Variants in PRRC2C observed in about 807,000 individuals in gnomAD.
The protein encoded by PRRC2C is protein PRRC2C.
PRRC2C carries 72 observed loss-of-function variants against 317.2 expected under a neutral mutation model. The ratio of observed to expected loss-of-function variants is 0.23; its 90% confidence interval spans 0.19 to 0.28. The LOEUF is 0.28. Among genes scored for constraint, PRRC2C ranks in the 10% least tolerant of loss-of-function variants. The probability of loss-of-function intolerance (pLI) is 1.00; values close to 1 mark genes in which losing one functional copy is unlikely to be tolerated. For synonymous variants in PRRC2C, 1,296 were observed against 1,205.9 expected, an observed-to-expected ratio of 1.07 and a Z score of -1.55; for missense variants, 3,074 against 3,459.7, an observed-to-expected ratio of 0.89 and a Z score of 2.80.
chr1:171,586,543 G>GTATTTTATTT (rs560341256), intron 30 of PRRC2C, among the ~76,000 whole-genome samples: 11,698 of 132,210 alleles, frequency 0.088, 814 homozygotes, highest in African/African-American at 0.14. Context: ...TGTGTTCTAT[G>GTATTTTATTT]TATTTTATTT....
rs1361900793 is a variant in PRRC2C, at chr1:171,566,237, C to T, written c.6122C>T (p.Ala2041Val). 1 of 1,607,678 alleles carries T rather than the reference C, an allele frequency of 6.2e-7. No homozygotes were observed. Among genetic ancestry groups the T allele is most frequent in the Non-Finnish European group, 8.5e-7 (1 of 1,176,986 alleles). ...TTTAAAATATTCTTTTACTAGGGAG[C>T]GAAGAATGGTCAAGAAAGTGGACTC... The part of the protein sequence containing the change: ...SFGSAPSSEG[A>V]KNGQESGLEI... The change falls in exon 21 of 35, where the codon GCG becomes GTG. Residue 2041 changes from alanine (A) to valine (V), a missense_variant. Ala to Val is a moderately conservative substitution (Grantham distance 64, BLOSUM62 0). This residue lies in a region of PRRC2C where 640 missense variants were observed against 676.1 expected (regional missense o/e 0.95). Coordinates refer to ENST00000647382, the MANE Select transcript of PRRC2C (RefSeq NM_001387844.1).
rs141606555 is a variant in PRRC2C at position 171,542,133 on chromosome 1, G to A, written c.4667G>A (p.Arg1556Gln). 37 of 1,612,776 alleles carry A rather than the reference G, an allele frequency of 2.3e-5. No individual in the cohort carries two copies. The highest frequency in any genetic ancestry group is 6.7e-5 in the East Asian group (3 of 44,872). The stretch of plus-strand genomic sequence containing the variant: ...CAGAGACCAGTAGATCGTCAGAATC[G>A]ACGTGGCAACAATGGTCCACCCAAA... ...SSQRPVDRQNRRGNNGPPKSG... is the reference protein window; with the variant it reads ...SSQRPVDRQNQRGNNGPPKSG... Residue 1556 changes from arginine to glutamine, a missense_variant, in exon 16 of 35, where the codon CGA becomes CAA. Around this residue, in one of 11 missense-constraint regions of PRRC2C, gnomAD observed 178 missense variants for 163.0 expected, o/e 1.09. Transcript: ENST00000647382.
At chr1:171,493,167 A>ATGT (rs1667499520) in intron 1 of PRRC2C, among the ~76,000 whole-genome samples, 1 of 152,142 alleles carries the variant, frequency 6.6e-6, no homozygotes, top group South Asian at 2.1e-4. Context: ...ATACGGAGGG[A>ATGT]TGTTAACCAA....
At position 171,528,587 on chromosome 1, in the gene PRRC2C, G is replaced by A. The variant is rs137982317; in HGVS notation, c.1254+743G>A. On this transcript the variant is annotated intron_variant, in intron 11 of 34. Coordinates refer to ENST00000647382, the MANE Select transcript of PRRC2C (RefSeq NM_001387844.1). ...ATTACAGGCGTGAGCCACCGCGCCC[G>A]GCCAATGAAATTCTTTTAGTGAACT... Among the ~76,000 whole-genome samples the A allele has an allele frequency of 3.9e-3, 594 of 152,188 alleles. 3 individuals carry two copies. Among genetic ancestry groups the A allele is most frequent in the African/African-American group, 0.013 (537 of 41,530 alleles).
intron 17 of PRRC2C, among the ~76,000 whole-genome samples, chr1:171,546,696 C>G (rs948217771): frequency 1.3e-5 from 2 of 152,126 alleles, no homozygotes; most frequent in African/African-American, 4.8e-5. Context: ...GCATCCCAGA[C>G]GTCAAGCGAT....
At chr1:171,591,337 G>A in intron 34 of PRRC2C, 1 of 729,426 alleles carries the variant, frequency 1.4e-6, no homozygotes, top group Non-Finnish European at 1.9e-6. Context: ...ATATGAGAGG[G>A]CAGACCTTGA....
At chr1:171,508,464 A>T (rs934906716) in intron 1 of PRRC2C, among the ~76,000 whole-genome samples, 4 of 152,220 alleles carry the variant, frequency 2.6e-5, no homozygotes, top group African/African-American at 9.7e-5. Flanking sequence ...ATATTAAACC[A>T]ATCTTGCATT....
At chr1:171,508,211 G>A (rs183158804) in intron 1 of PRRC2C, among the ~76,000 whole-genome samples, 1 of 152,244 alleles carries the variant, frequency 6.6e-6, no homozygotes, top group East Asian at 1.9e-4. Context: ...GGACATTCTA[G>A]CTGTGTACTA....
intron 11 of PRRC2C, among the ~76,000 whole-genome samples, chr1:171,528,823 A>G (rs1675222945): frequency 6.6e-6 from 1 of 151,682 alleles, no homozygotes; most frequent in Admixed American, 6.6e-5. Flanking sequence ...ATATGCATAT[A>G]TTTTTAGAGA....
intron 3 of PRRC2C, among the ~76,000 whole-genome samples, chr1:171,513,994 C>T (rs764978888): frequency 1.2e-4 from 18 of 152,142 alleles, no homozygotes; most frequent in Non-Finnish European, 2.1e-4. Flanking sequence ...TACCTCATTA[C>T]AAGAATTGAA....
intron 26 of PRRC2C, 112 bp from the exon 27 acceptor site, chr1:171,579,242 C>T: frequency 4.4e-6 from 6 of 1,377,916 alleles, no homozygotes; most frequent in South Asian, 1.7e-5. Context: ...GCTGTATTTT[C>T]AGAGGGTGCA....
At chr1:171,577,389 T>A in intron 25 of PRRC2C, 45 bp from the exon 26 acceptor site, 2 of 1,478,874 alleles carry the variant, frequency 1.4e-6, no homozygotes, top group East Asian at 2.3e-5. Flanking sequence ...AGCAACACTT[T>A]TAAATATGCT....
intron 11 of PRRC2C, among the ~76,000 whole-genome samples, chr1:171,529,048 C>T (rs1181760331): frequency 6.6e-6 from 1 of 152,116 alleles, no homozygotes; most frequent in Non-Finnish European, 1.5e-5. Flanking sequence ...CCTTGACCTA[C>T]CAAAGTGCTG....
At position 171,568,285 on chromosome 1, in the gene PRRC2C, G is replaced by A. The variant is rs1174299908; in HGVS notation, c.6597G>A (p.Leu2199=). 6.2e-7 allele frequency: 1 copy of A among 1,610,442 alleles called. No individual in the cohort carries two copies. The highest frequency in any genetic ancestry group is 1.7e-5 in the Admixed American group (1 of 59,616). Residue 2199 remains leucine, a synonymous_variant, in exon 23 of 35, where the codon TTG becomes TTA. Coordinates refer to ENST00000647382, the MANE Select transcript of PRRC2C (RefSeq NM_001387844.1). ...VTDYTTPSSS[L]PNTVATNNTK... ...ACTATACTACACCCTCTTCTTCTTT[G>A]CCTAACACCGTGGCTACTAATAATA...
rs754326852 is a variant in PRRC2C, at chr1:171,537,443, C to A, written c.2474C>A (p.Pro825His). The A allele has an allele frequency of 6.3e-7, 1 of 1,580,744 alleles. No homozygotes were observed. The highest frequency in any genetic ancestry group is 8.6e-7 in the Non-Finnish European group (1 of 1,162,286). ...GCTGAGCCTCAACAAGCAACTACTC[C>A]CAAAGCAACAGAAGAGCCTGAGGAT... is the stretch of plus-strand genomic sequence containing the variant. ...PHAEPQQATT[P>H]KATEEPEDVR... is the part of the protein sequence containing the mutation. Residue 825 changes from proline (P) to histidine (H), a missense_variant, in exon 15 of 35, where the codon CCC becomes CAC. Pro to His is a moderately conservative substitution (Grantham distance 77). Transcript: ENST00000647382.
chr1:171,537,003 T>G (rs958767265), intron 14 of PRRC2C, among the ~76,000 whole-genome samples: 1 of 152,220 alleles, frequency 6.6e-6, no homozygotes, highest in Non-Finnish European at 1.5e-5. Context: ...TCTTTTGAAG[T>G]AAAACAGGCT....
chr1:171,574,220 G>A (rs888049171), intron 24 of PRRC2C, among the ~76,000 whole-genome samples: 2 of 151,648 alleles, frequency 1.3e-5, no homozygotes, highest in Admixed American at 6.6e-5. Flanking sequence ...TATAAATATT[G>A]GGTTGAATTA....
intron 1 of PRRC2C, among the ~76,000 whole-genome samples, chr1:171,501,558 G>A (rs200667854): frequency 6.6e-6 from 1 of 152,178 alleles, no homozygotes; most frequent in East Asian, 1.9e-4. Flanking sequence ...GAGAAAGAAA[G>A]GTGTGTTATT....
At chr1:171,543,675 T>C (rs1454464973) in intron 16 of PRRC2C, among the ~76,000 whole-genome samples, 3 of 152,232 alleles carry the variant, frequency 2.0e-5, no homozygotes, top group Non-Finnish European at 4.4e-5. Context: ...GTTCCTTAGT[T>C]TTACATACTT....
Sources: allele counts gnomAD v4.1 joint callset (sites outside exome capture counted in the v4.1 genomes callset), GRCh38; gene constraint gnomAD v4.1.1; regional missense constraint gnomAD v4.1.1; transcripts MANE v1.5; gene names NCBI Gene and HGNC (gene_info 2026-07-23, HGNC 2026-07-21).